CACNA1C: variants seen among roughly 807,000 people sequenced by gnomAD.
The protein encoded by CACNA1C is voltage-dependent L-type calcium channel subunit alpha-1C.
Under a neutral mutation model 229.0 loss-of-function variants are expected in CACNA1C, and 30 were observed. The ratio of observed to expected loss-of-function variants is 0.13; its 90% CI spans 0.10 to 0.18. The LOEUF is 0.18. Ranked by LOEUF, CACNA1C falls within the 10% of genes least tolerant of loss-of-function variation. The probability of loss-of-function intolerance (pLI) is 1.00; values close to 1 mark genes in which losing one functional copy is unlikely to be tolerated. For missense variants in CACNA1C, 1,658 were observed against 2,845.0 expected, an observed-to-expected ratio of 0.58 and a Z score of 9.49; for synonymous variants, 1,114 against 1,132.5, an observed-to-expected ratio of 0.98 and a Z score of 0.33.
At chr12:2,624,271 G>A (rs529724521) in intron 29 of CACNA1C, among the ~76,000 whole-genome samples, 1 of 152,322 alleles carries the variant, frequency 6.6e-6, no homozygotes, top group African/African-American at 2.4e-5. Flanking sequence ...TTTAGCGGGT[G>A]GGACTGAGGA....
At position 2,334,710 on chromosome 12, in the gene CACNA1C, C is replaced by T. The variant is rs1344225175; in HGVS notation, c.478-114266C>T. ...TGACTTCCAGCAAATTCTTTAACTTCATTGAAACTCAGTTTTTTCAGCTAT... is the reference window on the plus strand; with the variant it reads ...TGACTTCCAGCAAATTCTTTAACTTTATTGAAACTCAGTTTTTTCAGCTAT... On this transcript the variant is annotated intron_variant, in intron 3 of 46. Coordinates refer to ENST00000399655, the MANE Select transcript of CACNA1C (RefSeq NM_000719.7). Among the ~76,000 whole-genome samples, 4 of 152,118 alleles carry T rather than the reference C, an allele frequency of 2.6e-5. No homozygotes were observed. The East Asian group carries it at 7.7e-4, about 29-fold the overall frequency.
intron 3 of CACNA1C, among the ~76,000 whole-genome samples, chr12:2,418,813 C>T (rs1323292393): frequency 6.6e-6 from 1 of 152,124 alleles, no homozygotes; most frequent in Non-Finnish European, 1.5e-5. Flanking sequence ...GCCTCAGATG[C>T]AGCCCATGCT....
chr12:2,646,782 G>C lies in CACNA1C; in HGVS notation c.3913-1693G>C, dbSNP rs1254626358. Among the ~76,000 whole-genome samples the C allele has an allele frequency of 6.7e-6, 1 of 150,316 alleles. No homozygotes were observed. Among genetic ancestry groups the C allele is most frequent in the African/African-American group, 2.4e-5 (1 of 41,134 alleles). ...AGAGAGAGAGAAAGAGAGAGAGAGA[G>C]AGAGAGAGTGTGTGTGTGCGCGTGT... is the stretch of plus-strand genomic sequence containing the variant. On this transcript the variant is annotated intron_variant, in intron 30 of 46. Transcript: ENST00000399655. This position sits in a 1 kb window ranked among gnomAD's most constrained non-coding sequence, Gnocchi z 4.6.
intron 5 of CACNA1C, among the ~76,000 whole-genome samples, chr12:2,470,357 A>C (rs2099584482): frequency 2.0e-5 from 3 of 152,222 alleles, no homozygotes; most frequent in Non-Finnish European, 4.4e-5. Context: ...TAATGGCAAT[A>C]ATAAAGGCCA....
chr12:2,055,817 C>T (rs2054493770), intron 1 of CACNA1C, among the ~76,000 whole-genome samples: 2 of 152,192 alleles, frequency 1.3e-5, no homozygotes, highest in South Asian at 4.1e-4. Context: ...CCTGTCTCCC[C>T]TCTACTCTCC....
chr12:2,028,615 T>C (rs1251419819), intron 1 of CACNA1C, among the ~76,000 whole-genome samples: 2 of 152,188 alleles, frequency 1.3e-5, no homozygotes, highest in Non-Finnish European at 2.9e-5. Context: ...ATCCTGTCTA[T>C]GGAGAGGCTG....
At chr12:2,532,337 C>G (rs1311808803) in intron 9 of CACNA1C, among the ~76,000 whole-genome samples, 1 of 152,128 alleles carries the variant, frequency 6.6e-6, no homozygotes, top group African/African-American at 2.4e-5. Context: ...CTCTGTCTGC[C>G]TCTCTCCCTC....
rs537957851 is a variant in CACNA1C, at chr12:2,224,009, T to A, written c.477+103579T>A. On this transcript the variant is annotated intron_variant, in intron 3 of 46. Coordinates refer to ENST00000399655, the MANE Select transcript of CACNA1C (RefSeq NM_000719.7). Reference sequence around the variant, plus strand: ...GAGTTTAAAGACGGGAGAGAATACCTCTGGAGAAATCAGGAAAATAAAAGT... The same window carrying A: ...GAGTTTAAAGACGGGAGAGAATACCACTGGAGAAATCAGGAAAATAAAAGT... Among the ~76,000 whole-genome samples, 10 of 152,282 alleles carry A rather than the reference T, an allele frequency of 6.6e-5. No homozygotes were observed. In the South Asian group the frequency reaches 1.7e-3, roughly 25 times the overall value.
At chr12:2,182,220 T>C (rs2096863508) in intron 3 of CACNA1C, among the ~76,000 whole-genome samples, 2 of 147,366 alleles carry the variant, frequency 1.4e-5, no homozygotes. Context: ...ACAGCCACCA[T>C]AAAATTGTGT....
chr12:2,176,965 G>A (rs1043545807), intron 3 of CACNA1C, among the ~76,000 whole-genome samples: 4 of 152,162 alleles, frequency 2.6e-5, no homozygotes, highest in Non-Finnish European at 4.4e-5. Context: ...TGGTGGGATC[G>A]GCCATCAGTC....
intron 9 of CACNA1C, among the ~76,000 whole-genome samples, chr12:2,524,324 G>T (rs977328860): frequency 2.0e-5 from 3 of 152,198 alleles, no homozygotes; most frequent in African/African-American, 7.2e-5. Flanking sequence ...GTCCTAAGGG[G>T]AATTACAGCC....
chr12:2,137,777 G>A (rs1193859854), intron 3 of CACNA1C, among the ~76,000 whole-genome samples: 1 of 151,052 alleles, frequency 6.6e-6, no homozygotes, highest in African/African-American at 2.4e-5. Flanking sequence ...AGAACTAGAA[G>A]CCAAGTTCCA....
intron 1 of CACNA1C, among the ~76,000 whole-genome samples, chr12:2,002,601 T>C (rs1030760559): frequency 3.9e-5 from 6 of 152,210 alleles, no homozygotes; most frequent in African/African-American, 1.4e-4. Context: ...CAAAAGCCTA[T>C]AGGAAACAAC....
intron 9 of CACNA1C, among the ~76,000 whole-genome samples, chr12:2,519,846 T>C (rs568069051): frequency 6.6e-6 from 1 of 152,338 alleles, no homozygotes; most frequent in African/African-American, 2.4e-5. Flanking sequence ...GGTCTGTTCA[T>C]TGGTAGCACA....
At chr12:2,396,988 A>T (rs1429679292) in intron 3 of CACNA1C, among the ~76,000 whole-genome samples, 2 of 152,238 alleles carry the variant, frequency 1.3e-5, no homozygotes, top group African/African-American at 4.8e-5. Context: ...GCCTGTTAGT[A>T]GTTCTAAACT....
chr12:2,058,424 G>A (rs919949683), intron 1 of CACNA1C, among the ~76,000 whole-genome samples: 9 of 152,278 alleles, frequency 5.9e-5, no homozygotes, highest in African/African-American at 2.2e-4. Flanking sequence ...TTAACAACAA[G>A]CCTAATTAAC....
At chr12:2,223,234 G>C (rs898483091) in intron 3 of CACNA1C, 1 of 152,214 alleles carries the variant, frequency 6.6e-6, no homozygotes, top group Non-Finnish European at 1.5e-5. Flanking sequence ...CCAAACATAA[G>C]GGTTTGAGCC....
intron 3 of CACNA1C, among the ~76,000 whole-genome samples, chr12:2,412,911 C>G (rs35124400): frequency 6.6e-6 from 1 of 152,056 alleles, no homozygotes; most frequent in Non-Finnish European, 1.5e-5. Context: ...AAGCATGCAA[C>G]TCTGTCCAAG....
intron 3 of CACNA1C, among the ~76,000 whole-genome samples, chr12:2,191,891 GGCACACACAT>G (rs1004880970): frequency 5.7e-5 from 5 of 87,194 alleles, no homozygotes; most frequent in African/African-American, 1.7e-4. Flanking sequence ...CGTACACACA[GGCACACACAT>G]GCACACATGG....
Sources: gnomAD v4.1 joint callset for allele counts (sites outside exome capture counted in the v4.1 genomes callset) on GRCh38, gnomAD v4.1.1 for gene constraint, Gnocchi (gnomAD v3.1) non-coding constraint, MANE v1.5 for transcripts, NCBI Gene and HGNC (gene_info 2026-07-23, HGNC 2026-07-21) for gene names.